NFIA: variants seen among roughly 807,000 people sequenced by gnomAD.
NFIA encodes the protein nuclear factor I A, also known as nuclear factor 1 A-type.
Under a neutral mutation model 62.8 loss-of-function variants are expected in NFIA, and 8 were observed. That is an observed-to-expected ratio of 0.13 (90% CI 0.07 to 0.23). NFIA has a LOEUF of 0.23. Ranked by LOEUF, NFIA falls within the 10% of genes least tolerant of loss-of-function variation. NFIA has a pLI of 1.00. For missense variants in NFIA, 410 were observed against 642.1 expected (o/e 0.64, Z 3.91); for synonymous variants, 235 against 238.1 (o/e 0.99, Z 0.12).
At chr1:61,093,014 A>G (rs947394269) in intron 2 of NFIA, among the ~76,000 whole-genome samples, 1 of 152,228 alleles carries the variant, frequency 6.6e-6, no homozygotes, top group African/African-American at 2.4e-5. Context: ...CAGTGCATAT[A>G]GAATATTATA....
intron 2 of NFIA, among the ~76,000 whole-genome samples, chr1:61,187,229 T>G (rs1651253049): frequency 6.6e-6 from 1 of 152,182 alleles, no homozygotes; most frequent in African/African-American, 2.4e-5. Flanking sequence ...ATTATTATTA[T>G]GCCATATTGA....
chr1:61,164,099 T>C (rs529339779), intron 2 of NFIA, among the ~76,000 whole-genome samples: 1 of 152,348 alleles, frequency 6.6e-6, no homozygotes, highest in Non-Finnish European at 1.5e-5. Context: ...ACAAAGATTT[T>C]TTTTTCTTAC....
upstream of NFIA, chr1:61,081,751 C>A (rs549591506): frequency 1.7e-5 from 16 of 934,254 alleles, no homozygotes; most frequent in Non-Finnish European, 2.3e-5. Flanking sequence ...TTCCTCACCA[C>A]CCCCGCTTCT....
upstream of NFIA, chr1:61,081,829 T>TGA: frequency 6.7e-7 from 1 of 1,497,952 alleles, no homozygotes; most frequent in Non-Finnish European, 8.9e-7. Flanking sequence ...TGCCGACGAA[T>TGA]CTATTCCCAC....
intron 2 of NFIA, among the ~76,000 whole-genome samples, chr1:61,187,099 A>G (rs1651241098): frequency 6.6e-6 from 1 of 152,180 alleles, no homozygotes; most frequent in Non-Finnish European, 1.5e-5. Flanking sequence ...GTATGCACCT[A>G]CCTTATAGGG....
chr1:61,405,345 A>G (rs1278764025), intron 8 of NFIA, among the ~76,000 whole-genome samples: 1 of 152,244 alleles, frequency 6.6e-6, no homozygotes, highest in East Asian at 1.9e-4. Context: ...CCACTCAGAA[A>G]TAACGCAAAG....
upstream of NFIA, among the ~76,000 whole-genome samples, chr1:61,080,575 C>T (rs1237568747): frequency 1.3e-5 from 2 of 152,146 alleles, no homozygotes; most frequent in Non-Finnish European, 2.9e-5. Context: ...CAAAGGTTCT[C>T]GTGGCCAGGG....
intron 4 of NFIA, among the ~76,000 whole-genome samples, chr1:61,347,024 C>T (rs1414599037): frequency 6.6e-6 from 1 of 152,130 alleles, no homozygotes; most frequent in Non-Finnish European, 1.5e-5. Flanking sequence ...CACCTGGTCC[C>T]ACCCTTGACA....
intron 2 of NFIA, among the ~76,000 whole-genome samples, chr1:61,214,982 C>T (rs1367351603): frequency 3.9e-5 from 6 of 152,124 alleles, no homozygotes; most frequent in African/African-American, 1.4e-4. Context: ...TCCCACTTCC[C>T]TAATGCCAGG....
Position 61,255,300 on chromosome 1 carries a change from T to C in NFIA, c.560-22220T>C, listed in dbSNP as rs1267376858. On this transcript the variant is annotated intron_variant, in intron 2 of 10. Transcript: ENST00000403491. Reference sequence around the variant, plus strand: ...TGCTGTGTCAGCAATACGCTCCTTGTTTGAATTGTCTGAAAGGAAGGCTCA... The same window carrying C: ...TGCTGTGTCAGCAATACGCTCCTTGCTTGAATTGTCTGAAAGGAAGGCTCA... Among the ~76,000 whole-genome samples, 4 of 152,318 alleles carry C rather than the reference T, an allele frequency of 2.6e-5. No individual in the cohort carries two copies. In the East Asian group the frequency reaches 7.7e-4, roughly 29 times the overall value.
At chr1:61,290,717 T>C (rs1468354929) in intron 3 of NFIA, among the ~76,000 whole-genome samples, 1 of 152,180 alleles carries the variant, frequency 6.6e-6, no homozygotes, top group African/African-American at 2.4e-5. Context: ...TCAATTCTAG[T>C]GGATTTGCAA....
chr1:61,215,387 C>A (rs1208780181), intron 2 of NFIA, among the ~76,000 whole-genome samples: 1 of 151,370 alleles, frequency 6.6e-6, no homozygotes, highest in Non-Finnish European at 1.5e-5. Flanking sequence ...AAAACAAAAA[C>A]ATTAAAATCA....
In NFIA at chr1:61,292,435, T is replaced by A. The variant is rs930274313; in HGVS notation, c.625+14850T>A. Among the ~76,000 whole-genome samples the A allele has an allele frequency of 2.4e-4, 37 of 152,210 alleles. 1 individual carries two copies. The highest frequency in any genetic ancestry group is 2.9e-5 in the Non-Finnish European group (2 of 68,032). ...TTCCCCTCCTTCCAATTGATCTTTC[T>A]TAATTGTACATATATTTATTAATAT... On this transcript the variant is annotated intron_variant, in intron 3 of 10. Transcript: ENST00000403491.
intron 2 of NFIA, among the ~76,000 whole-genome samples, chr1:61,225,436 A>G (rs923068907): frequency 2.0e-5 from 3 of 151,840 alleles, no homozygotes; most frequent in African/African-American, 4.8e-5. Context: ...TTTTTAGTAG[A>G]GACGGGGTTT....
At chr1:61,413,917 T>C (rs1343256068) in intron 9 of NFIA, among the ~76,000 whole-genome samples, 2 of 152,076 alleles carry the variant, frequency 1.3e-5, no homozygotes, top group Non-Finnish European at 2.9e-5. Flanking sequence ...TGAGCCACTG[T>C]GCCTGGCCCA....
intron 2 of NFIA, among the ~76,000 whole-genome samples, chr1:61,128,471 G>A (rs545093794): frequency 4.2e-4 from 64 of 152,204 alleles, no homozygotes; most frequent in African/African-American, 1.5e-3. Flanking sequence ...AATTAGCCAT[G>A]CTTGTAGTCC....
chr1:61,214,018 G>A (rs189637795), intron 2 of NFIA, among the ~76,000 whole-genome samples: 29 of 152,278 alleles, frequency 1.9e-4, no homozygotes, highest in African/African-American at 2.6e-4. Flanking sequence ...GAGTTTCGTC[G>A]GAAGTATAGG....
Position 61,126,462 on chromosome 1 carries a change from A to ACACACACACACACACACTCT in NFIA, c.559+37795_559+37796insACACTCTCACACACACACAC, listed in dbSNP as rs35045816. Among the ~76,000 whole-genome samples, 312 of 145,930 alleles carry ACACACACACACACACACTCT rather than the reference A, an allele frequency of 2.1e-3. 2 individuals are homozygous for ACACACACACACACACACTCT. Among genetic ancestry groups the ACACACACACACACACACTCT allele is most frequent in the Middle Eastern group, 7.1e-3 (2 of 282 alleles). On this transcript the variant is annotated intron_variant, in intron 2 of 10. Coordinates refer to ENST00000403491, the MANE Select transcript of NFIA (RefSeq NM_001134673.4). ...AACACACACACACACACACACACAC[A>ACACACACACACACACACTCT]CACACACACACACTCACAGAAATAT...
chr1:61,401,084 G>A (rs1193664818), intron 7 of NFIA, among the ~76,000 whole-genome samples: 1 of 152,168 alleles, frequency 6.6e-6, no homozygotes, highest in African/African-American at 2.4e-5. Context: ...AAGAAATGAA[G>A]GTTCAGGATC....
Sources: allele counts gnomAD v4.1 joint callset (sites outside exome capture counted in the v4.1 genomes callset), GRCh38; gene constraint gnomAD v4.1.1; transcripts MANE v1.5; gene names NCBI Gene and HGNC (gene_info 2026-07-23, HGNC 2026-07-21).